The following FBXW7 variants were observed in gnomAD, a reference collection of about 807,000 sequenced individuals.
The protein encoded by FBXW7 is F-box and WD repeat domain containing 7.
Under a neutral mutation model 86.3 loss-of-function variants are expected in FBXW7, and 11 were observed. The ratio of observed to expected loss-of-function variants is 0.13; its 90% CI spans 0.08 to 0.21. FBXW7 has a LOEUF of 0.21. Ranked by LOEUF, FBXW7 falls within the 10% of genes least tolerant of loss-of-function variation. The probability of loss-of-function intolerance (pLI) is 1.00; values close to 1 mark genes in which losing one functional copy is unlikely to be tolerated. For missense variants in FBXW7, 488 were observed against 847.4 expected (o/e 0.58, Z 5.27); for synonymous variants, 313 against 297.9 (o/e 1.05, Z -0.52).
At chr4:152,463,192 C>A (rs1743108028) in intron 2 of FBXW7, among the ~76,000 whole-genome samples, 1 of 151,724 alleles carries the variant, frequency 6.6e-6, no homozygotes, top group Non-Finnish European at 1.5e-5. Flanking sequence ...GAGGCTGACG[C>A]ATGAGAATCA....
intron 6 of FBXW7, among the ~76,000 whole-genome samples, chr4:152,341,877 T>C (rs774521486): frequency 6.6e-6 from 1 of 152,178 alleles, no homozygotes; most frequent in African/African-American, 2.4e-5. Flanking sequence ...TAACGAAGAA[T>C]AGTTGAGAGA....
chr4:152,517,167 A>G lies in FBXW7; in HGVS notation c.-120+17774T>C, dbSNP rs1047780782. On this transcript the variant is annotated intron_variant, in intron 2 of 13. Coordinates refer to ENST00000281708, the MANE Select transcript of FBXW7 (RefSeq NM_001349798.2). ...AATGACATATCAAAACAGAAGCCCA[A>G]TCTTGGTCTTTATCCATTTCTAAGG... Among the ~76,000 whole-genome samples, 3 of 152,104 alleles carry G rather than the reference A, an allele frequency of 2.0e-5. No homozygotes were observed. The South Asian group carries it at 6.2e-4, about 32-fold the overall frequency.
intron 2 of FBXW7, among the ~76,000 whole-genome samples, chr4:152,501,133 T>C (rs1027302452): frequency 1.3e-5 from 2 of 152,232 alleles, no homozygotes; most frequent in African/African-American, 4.8e-5. Flanking sequence ...GCCTTTGATA[T>C]ATTAATGTGC....
At chr4:152,478,386 C>T (rs1280027952) in intron 2 of FBXW7, among the ~76,000 whole-genome samples, 5 of 152,020 alleles carry the variant, frequency 3.3e-5, no homozygotes, top group African/African-American at 1.2e-4. Context: ...CTATGTTGTA[C>T]CATGTACCAA....
intron 4 of FBXW7, among the ~76,000 whole-genome samples, chr4:152,360,111 T>C (rs1732791387): frequency 6.6e-6 from 1 of 152,224 alleles, no homozygotes; most frequent in African/African-American, 2.4e-5. Context: ...ACTGAAACAT[T>C]TAATACTAGA....
At chr4:152,362,847 A>C (rs200308594) in intron 4 of FBXW7, among the ~76,000 whole-genome samples, 213 of 151,626 alleles carry the variant, frequency 1.4e-3, no homozygotes, top group African/African-American at 4.2e-3. Flanking sequence ...AAAAAAAAAA[A>C]AACAACAAGA....
intron 2 of FBXW7, among the ~76,000 whole-genome samples, chr4:152,512,029 T>C (rs188727022): frequency 2.2e-4 from 33 of 152,312 alleles, no homozygotes; most frequent in Non-Finnish European, 3.7e-4. Flanking sequence ...ATGTATCAAA[T>C]GTTCATTCAA....
intron 2 of FBXW7, among the ~76,000 whole-genome samples, chr4:152,416,699 G>T (rs1738465182): frequency 6.6e-6 from 1 of 152,088 alleles, no homozygotes; most frequent in Non-Finnish European, 1.5e-5. Context: ...AATTGATAAA[G>T]TTTTATGGAT....
chr4:152,453,678 A>G (rs1238064132), intron 2 of FBXW7, among the ~76,000 whole-genome samples: 1 of 152,224 alleles, frequency 6.6e-6, no homozygotes, highest in Non-Finnish European at 1.5e-5. Flanking sequence ...ATGAAAATGT[A>G]AATCGAATTT....
chr4:152,420,207 G>T (rs1361465310), intron 2 of FBXW7, among the ~76,000 whole-genome samples: 1 of 152,104 alleles, frequency 6.6e-6, no homozygotes, highest in Non-Finnish European at 1.5e-5. Context: ...TCCATCTCAA[G>T]AAACAGCTTT....
In FBXW7 at chr4:152,476,252, TG is replaced by T. The variant is rs564504065; in HGVS notation, c.-120+58688del. ...AAAAGATAGTCTCTTCAACAAATAG[TG>T]CTAGAACAAGTAAATATCCATACGC... On this transcript the variant is annotated intron_variant, in intron 2 of 13. Coordinates refer to ENST00000281708, the MANE Select transcript of FBXW7 (RefSeq NM_001349798.2). 1.8e-4 allele frequency among the ~76,000 whole-genome samples: 28 copies of T among 152,292 alleles called. No individual in the cohort carries two copies. In the South Asian group the frequency reaches 5.6e-3, roughly 30 times the overall value.
At chr4:152,334,518 A>C (rs1729878491) in intron 7 of FBXW7, among the ~76,000 whole-genome samples, 1 of 152,226 alleles carries the variant, frequency 6.6e-6, no homozygotes, top group East Asian at 1.9e-4. Context: ...TTATCTAAAA[A>C]CAGAAAAAGT....
At chr4:152,359,086 G>A (rs1213461547) in intron 4 of FBXW7, among the ~76,000 whole-genome samples, 2 of 152,086 alleles carry the variant, frequency 1.3e-5, no homozygotes, top group Non-Finnish European at 2.9e-5. Flanking sequence ...CGTTATTTTA[G>A]GTCCATATTA....
Position 152,535,558 on chromosome 4 carries a change from C to T in FBXW7, c.-644G>A. 1 of 396,526 alleles carries T rather than the reference C, an allele frequency of 2.5e-6. No individual in the cohort carries two copies. The highest frequency in any genetic ancestry group is 4.5e-6 in the Non-Finnish European group (1 of 224,618). 24.6% of individuals were successfully genotyped at this position (396,526 alleles called of 1,614,324 possible). A position where few individuals can be genotyped will look rare whatever the true frequency, so the allele number is the denominator to read the frequency against. On this transcript the variant is annotated 5_prime_UTR_variant, in exon 1 of 14. Coordinates refer to ENST00000281708, the MANE Select transcript of FBXW7 (RefSeq NM_001349798.2). ...TCATACACTCCGGGGCAAGATGCTA[C>T]GGCCCCGGGCGGGTGGCCGAGTCGG...
chr4:152,400,417 C>T (rs1485981388), intron 4 of FBXW7, among the ~76,000 whole-genome samples: 1 of 152,114 alleles, frequency 6.6e-6, no homozygotes, highest in Non-Finnish European at 1.5e-5. Flanking sequence ...TCTTGGCTCA[C>T]CACATCCTTG....
chr4:152,326,932 T>C (rs562676053), intron 11 of FBXW7, among the ~76,000 whole-genome samples: 9 of 152,092 alleles, frequency 5.9e-5, no homozygotes, highest in Non-Finnish European at 1.2e-4. Flanking sequence ...GATAAAGATT[T>C]TAAAAGATAT....
intron 4 of FBXW7, among the ~76,000 whole-genome samples, chr4:152,408,320 T>A (rs1215614171): frequency 6.6e-6 from 1 of 152,218 alleles, no homozygotes; most frequent in Non-Finnish European, 1.5e-5. Context: ...CAATATGAGC[T>A]GGGCATATCT....
At position 152,491,884 on chromosome 4, in the gene FBXW7, T is replaced by C. The variant is rs186890092; in HGVS notation, c.-120+43057A>G. ...CTCAATTATTTCTATAATTTTTAGA[T>C]AAAACTTGTTTATTTTATCTAAGAT... On this transcript the variant is annotated intron_variant, in intron 2 of 13. Transcript: ENST00000281708. Among the ~76,000 whole-genome samples the C allele has an allele frequency of 8.5e-5, 13 of 152,340 alleles. No homozygotes were observed. In the East Asian group the frequency reaches 9.6e-4, roughly 11 times the overall value.
At position 152,344,552 on chromosome 4, in the gene FBXW7, T is replaced by G. The variant is rs150459499; in HGVS notation, c.726+2378A>C. Among the ~76,000 whole-genome samples, 1,133 of 152,078 alleles carry G rather than the reference T, an allele frequency of 7.5e-3. 14 individuals carry two copies. Among genetic ancestry groups the G allele is most frequent in the African/African-American group, 0.026 (1,070 of 41,470 alleles). ...AATACAGTTTTTTTTTTTTTCACAT[T>G]AACATTTCCGAAATTGGAATGCATC... On this transcript the variant is annotated intron_variant, in intron 6 of 13. Transcript: ENST00000281708.
Sources: gnomAD v4.1 joint callset for allele counts (sites outside exome capture counted in the v4.1 genomes callset) on GRCh38, gnomAD v4.1.1 for gene constraint, MANE v1.5 for transcripts, NCBI Gene and HGNC (gene_info 2026-07-23, HGNC 2026-07-21) for gene names.